GABRB2: variants seen among roughly 807,000 people sequenced by gnomAD.
The protein encoded by GABRB2 is gamma-aminobutyric acid receptor subunit beta-2.
Under a neutral mutation model 54.7 loss-of-function variants are expected in GABRB2, and 16 were observed. The observed-to-expected ratio is 0.29, with a 90% CI of 0.20 to 0.44. The LOEUF is 0.44. Ranked by LOEUF, GABRB2 falls within the 20% of genes least tolerant of loss-of-function variation. GABRB2 has a pLI of 1.00. For synonymous variants in GABRB2, 244 were observed against 233.8 expected, an observed-to-expected ratio of 1.04 and a Z score of -0.40; for missense variants, 355 against 644.0, an observed-to-expected ratio of 0.55 and a Z score of 4.86.
At chr5:161,458,600 C>T (rs1758031492) in intron 4 of GABRB2, among the ~76,000 whole-genome samples, 1 of 152,144 alleles carries the variant, frequency 6.6e-6, no homozygotes, top group Non-Finnish European at 1.5e-5. Flanking sequence ...CTGTTGAGGG[C>T]TTTGGCTCTG....
At chr5:161,518,852 G>A (rs913269577) in intron 3 of GABRB2, among the ~76,000 whole-genome samples, 5 of 152,168 alleles carry the variant, frequency 3.3e-5, no homozygotes, top group African/African-American at 1.2e-4. Flanking sequence ...AGAACTCTTT[G>A]TATCATACCT....
At chr5:161,453,530 T>C (rs1757855227) in intron 4 of GABRB2, among the ~76,000 whole-genome samples, 1 of 152,170 alleles carries the variant, frequency 6.6e-6, no homozygotes, top group South Asian at 2.1e-4. Flanking sequence ...TCAGGAAACC[T>C]GCCCTCATCA....
chr5:161,398,099 A>G (rs886875339), intron 5 of GABRB2, among the ~76,000 whole-genome samples: 4 of 152,236 alleles, frequency 2.6e-5, no homozygotes, highest in Admixed American at 6.5e-5. Context: ...GATAATTTGC[A>G]CAAAGTACCG....
At chr5:161,315,374 A>AAAT (rs1224048010) in intron 9 of GABRB2, among the ~76,000 whole-genome samples, 1 of 152,188 alleles carries the variant, frequency 6.6e-6, no homozygotes, top group Non-Finnish European at 1.5e-5. Context: ...TGCATTAATA[A>AAAT]AATACATGGC....
At chr5:161,423,745 T>C (rs964617738) in intron 4 of GABRB2, among the ~76,000 whole-genome samples, 1 of 152,126 alleles carries the variant, frequency 6.6e-6, no homozygotes, top group Non-Finnish European at 1.5e-5. Flanking sequence ...AAGATTTCCA[T>C]GTGTACTTTA....
chr5:161,537,055 A>G (rs1032513596), intron 3 of GABRB2, among the ~76,000 whole-genome samples: 2 of 151,972 alleles, frequency 1.3e-5, no homozygotes, highest in African/African-American at 2.4e-5. Flanking sequence ...ATTTATTTCA[A>G]TTGATCACTG....
At chr5:161,531,368 T>C (rs1171945545) in intron 3 of GABRB2, among the ~76,000 whole-genome samples, 1 of 152,194 alleles carries the variant, frequency 6.6e-6, no homozygotes, top group African/African-American at 2.4e-5. Context: ...CTTTATATGC[T>C]TGTTTAAAAG....
rs1300157759 is a variant in GABRB2 at position 161,290,756 on chromosome 5, T to C, written c.*3325A>G. On this transcript the variant is annotated 3_prime_UTR_variant, in exon 10 of 10. Transcript: ENST00000393959. Reference sequence around the variant, plus strand: ...ATCATTAAACTGGAACACGGTTACCTATAGAAAATGGAAATTATCTTAGTT... The same window carrying C: ...ATCATTAAACTGGAACACGGTTACCCATAGAAAATGGAAATTATCTTAGTT... 6.6e-6 allele frequency: 1 copy of C among 152,608 alleles called. No individual in the cohort carries two copies. Among genetic ancestry groups the C allele is most frequent in the African/African-American group, 2.4e-5 (1 of 41,448 alleles). The allele number at this position is 152,608 out of a possible 1,614,324, so 9.5% of individuals were successfully genotyped here.
intron 3 of GABRB2, among the ~76,000 whole-genome samples, chr5:161,497,994 T>C (rs939284677): frequency 1.3e-5 from 2 of 152,172 alleles, no homozygotes; most frequent in Non-Finnish European, 2.9e-5. Flanking sequence ...AAATGTTTCT[T>C]TGAGAAACAT....
At chr5:161,300,342 A>G (rs1159658172) in intron 9 of GABRB2, among the ~76,000 whole-genome samples, 1 of 152,148 alleles carries the variant, frequency 6.6e-6, no homozygotes, top group African/African-American at 2.4e-5. Flanking sequence ...GGTACTTTCT[A>G]TTTTTAATTT....
chr5:161,523,292 T>G (rs917543166), intron 3 of GABRB2, among the ~76,000 whole-genome samples: 1 of 151,624 alleles, frequency 6.6e-6, no homozygotes, highest in Non-Finnish European at 1.5e-5. Flanking sequence ...TTTATTAGTT[T>G]TAAGAAAAAA....
chr5:161,546,314 C>A lies in GABRB2; in HGVS notation c.169+8G>T, dbSNP rs1554107817. ...TGGCTGGACTTATTTGCAAGGCAAC[C>A]CCATTACCTCCAAAATCTGGTCTCA... On this transcript the variant is annotated splice_region_variant and intron_variant, in intron 2 of 9. Transcript: ENST00000393959. The A allele has an allele frequency of 6.2e-7, 1 of 1,612,220 alleles. No individual in the cohort carries two copies. Among genetic ancestry groups the A allele is most frequent in the Non-Finnish European group, 8.5e-7 (1 of 1,178,256 alleles).
intron 4 of GABRB2, among the ~76,000 whole-genome samples, chr5:161,429,346 A>AAAAAAAAAAAAAAG (rs1757106033): frequency 5.1e-5 from 2 of 39,508 alleles, no homozygotes; most frequent in African/African-American, 1.9e-4. Flanking sequence ...AATCCGTCTC[A>AAAAAAAAAAAAAAG]AAAAAAAAAA....
chr5:161,545,717 G>A (rs1198251831), intron 2 of GABRB2, among the ~76,000 whole-genome samples: 1 of 151,760 alleles, frequency 6.6e-6, no homozygotes, highest in African/African-American at 2.4e-5. Context: ...GCAATATTAA[G>A]TGAGTCTATC....
intron 5 of GABRB2, among the ~76,000 whole-genome samples, chr5:161,368,945 G>A (rs529393158): frequency 2.0e-5 from 3 of 152,278 alleles, no homozygotes; most frequent in African/African-American, 7.2e-5. Context: ...ATGGTATAAT[G>A]TAGGGCCCTG....
At chr5:161,461,590 T>C (rs559379159) in intron 3 of GABRB2, among the ~76,000 whole-genome samples, 10 of 152,350 alleles carry the variant, frequency 6.6e-5, no homozygotes, top group Non-Finnish European at 1.5e-4. Flanking sequence ...ATAAGTGACA[T>C]ATTTTATCCA....
At chr5:161,506,759 G>A (rs1361745131) in intron 3 of GABRB2, among the ~76,000 whole-genome samples, 1 of 152,016 alleles carries the variant, frequency 6.6e-6, no homozygotes, top group Non-Finnish European at 1.5e-5. Context: ...GAGCAATGGA[G>A]CCAACTAGAA....
chr5:161,331,160 G>A, intron 7 of GABRB2, 33 bp from the exon 8 acceptor site: 1 of 1,511,016 alleles, frequency 6.6e-7, no homozygotes, highest in Non-Finnish European at 8.9e-7. Context: ...GAGTAATAAT[G>A]TTCCTATCTC....
At chr5:161,378,013 C>A (rs765668801) in intron 5 of GABRB2, among the ~76,000 whole-genome samples, 1 of 151,980 alleles carries the variant, frequency 6.6e-6, no homozygotes, top group Admixed American at 6.6e-5. Flanking sequence ...AACCAACATG[C>A]ATAATGCTAA....
Sources: allele counts gnomAD v4.1 joint callset (sites outside exome capture counted in the v4.1 genomes callset), GRCh38; gene constraint gnomAD v4.1.1; transcripts MANE v1.5; gene names NCBI Gene and HGNC (gene_info 2026-07-23, HGNC 2026-07-21).